Variants in KCNK1 observed in about 807,000 individuals in gnomAD.
The protein encoded by KCNK1 is potassium two pore domain channel subfamily K member 1.
In KCNK1, 10 loss-of-function variants were observed where a neutral mutation model predicts 22.2. That is an observed-to-expected ratio of 0.45 (90% CI 0.28 to 0.76). The LOEUF (loss-of-function observed/expected upper bound fraction) is 0.76. Ranked by LOEUF, KCNK1 falls within the 30% of genes least tolerant of loss-of-function variation. The pLI, the probability that KCNK1 is intolerant of heterozygous loss-of-function variation, is 0.14. For synonymous variants in KCNK1, 200 were observed against 186.4 expected, an observed-to-expected ratio of 1.07 and a Z score of -0.60; for missense variants, 378 against 421.0, an observed-to-expected ratio of 0.90 and a Z score of 0.89.
intron 1 of KCNK1, among the ~76,000 whole-genome samples, chr1:233,646,045 A>T (rs1258764868): frequency 6.6e-6 from 1 of 152,152 alleles, no homozygotes; most frequent in Non-Finnish European, 1.5e-5. Context: ...GTGAGAGGTG[A>T]TGGTGGGGAT....
At chr1:233,647,362 T>C (rs1201033839) in intron 1 of KCNK1, among the ~76,000 whole-genome samples, 1 of 152,270 alleles carries the variant, frequency 6.6e-6, no homozygotes. Flanking sequence ...TAGTATGTAG[T>C]TGGGGCTCAG....
intron 1 of KCNK1, among the ~76,000 whole-genome samples, chr1:233,638,325 A>T (rs1204145860): frequency 6.6e-6 from 1 of 152,148 alleles, no homozygotes; most frequent in African/African-American, 2.4e-5. Context: ...TTAATTTTTT[A>T]AAATTTTAAA....
intron 1 of KCNK1, chr1:233,650,014 A>G (rs200836449): frequency 4.7e-5 from 25 of 533,320 alleles, no homozygotes; most frequent in Non-Finnish European, 8.1e-5. Context: ...CAAGTGCCTA[A>G]AGGAGAGAGC....
intron 1 of KCNK1, among the ~76,000 whole-genome samples, chr1:233,642,354 C>T (rs115335228): frequency 1.1e-3 from 160 of 152,330 alleles, no homozygotes; most frequent in Non-Finnish European, 1.8e-3. Flanking sequence ...CTGCAACCTT[C>T]CCGGGAGGTG....
intron 1 of KCNK1, among the ~76,000 whole-genome samples, chr1:233,643,687 CT>C (rs11323437): frequency 0.37 from 56,857 of 151,868 alleles, 11,931 homozygotes; most frequent in African/African-American, 0.57. Flanking sequence ...TTCACTTCTT[CT>C]TACTTAGTGC....
At chr1:233,651,027 CT>C (rs975882484) in intron 1 of KCNK1, among the ~76,000 whole-genome samples, 25 of 152,296 alleles carry the variant, frequency 1.6e-4, no homozygotes, top group African/African-American at 5.8e-4. Flanking sequence ...TTTAGGACTA[CT>C]TTGCTTTCTA....
At chr1:233,650,527 A>G (rs12141976) in intron 1 of KCNK1, among the ~76,000 whole-genome samples, 49,534 of 152,038 alleles carry the variant, frequency 0.33, 9,183 homozygotes, top group Admixed American at 0.43. Flanking sequence ...AGATAATTCA[A>G]TTAGTTTTTT....
chr1:233,632,049 C>G (rs991138732), intron 1 of KCNK1, among the ~76,000 whole-genome samples: 9 of 152,198 alleles, frequency 5.9e-5, no homozygotes, highest in Non-Finnish European at 8.8e-5. Context: ...ATCCTGTTCC[C>G]TCTTCCACGT....
intron 1 of KCNK1, chr1:233,655,844 T>C (rs1658281818): frequency 6.6e-6 from 1 of 152,190 alleles, no homozygotes. Context: ...GTGGTATTCT[T>C]TTGTAGCAGC....
At chr1:233,653,343 G>A (rs1335938003) in intron 1 of KCNK1, among the ~76,000 whole-genome samples, 2 of 152,188 alleles carry the variant, frequency 1.3e-5, no homozygotes, top group Non-Finnish European at 2.9e-5. Context: ...CCCCTGGTCT[G>A]TTGGCCTCAC....
intron 1 of KCNK1, among the ~76,000 whole-genome samples, chr1:233,651,500 T>C (rs1050582080): frequency 2.0e-5 from 3 of 152,236 alleles, no homozygotes; most frequent in African/African-American, 7.2e-5. Flanking sequence ...CTCTGTTAGC[T>C]TCTTTATCTT....
At position 233,614,150 on chromosome 1, in the gene KCNK1, C is replaced by CTTGGCTTTGGCT. The variant is rs140745317; in HGVS notation, c.-17_-16insTTTGGCTTTGGC. ...GCTCCGGCCGGTCTGCGGCGTTGGC[C>CTTGGCTTTGGCT]TTGGCGGCGGCGGTGGAGAAGATGC... On this transcript the variant is annotated 5_prime_UTR_variant, in exon 1 of 3. Coordinates refer to ENST00000366621, the MANE Select transcript of KCNK1 (RefSeq NM_002245.4). The CTTGGCTTTGGCT allele has an allele frequency of 0.47, 724,836 of 1,535,136 alleles. 180,827 individuals are homozygous for CTTGGCTTTGGCT. The highest frequency in any genetic ancestry group is 0.85 in the African/African-American group (62,098 of 72,658).
chr1:233,657,662 GAAAGA>G (rs1196195117), intron 1 of KCNK1, among the ~76,000 whole-genome samples: 1 of 148,590 alleles, frequency 6.7e-6, no homozygotes, highest in Non-Finnish European at 1.5e-5. Context: ...AAGGAAAGAC[GAAAGA>G]AAAGAAAGAA....
chr1:233,651,152 C>G (rs1220782357), intron 1 of KCNK1, among the ~76,000 whole-genome samples: 1 of 152,144 alleles, frequency 6.6e-6, no homozygotes, highest in African/African-American at 2.4e-5. Flanking sequence ...AGCGTTTGCC[C>G]CCATTACCTC....
intron 1 of KCNK1, among the ~76,000 whole-genome samples, chr1:233,643,866 C>A (rs185549301): frequency 8.3e-4 from 127 of 152,222 alleles, no homozygotes; most frequent in Admixed American, 1.8e-3. Context: ...GAAACAAAAA[C>A]AAAAATGGCA....
chr1:233,617,373 T>G (rs1428985579), intron 1 of KCNK1, among the ~76,000 whole-genome samples: 1 of 152,236 alleles, frequency 6.6e-6, no homozygotes. Flanking sequence ...CTGAATTATT[T>G]CCAGCAAACA....
intron 1 of KCNK1, among the ~76,000 whole-genome samples, chr1:233,651,880 T>C (rs574400770): frequency 1.5e-4 from 23 of 152,362 alleles, no homozygotes; most frequent in African/African-American, 5.5e-4. Context: ...ACAAGACGTT[T>C]ATGTGGATTA....
At chr1:233,615,552 T>A (rs1271630186) in intron 1 of KCNK1, among the ~76,000 whole-genome samples, 1 of 152,160 alleles carries the variant, frequency 6.6e-6, no homozygotes, top group Non-Finnish European at 1.5e-5. Context: ...ATCTATGAGA[T>A]CCAATCTTTG....
At chr1:233,668,887 G>A (rs1250668940) in intron 2 of KCNK1, among the ~76,000 whole-genome samples, 1 of 152,206 alleles carries the variant, frequency 6.6e-6, no homozygotes, top group Non-Finnish European at 1.5e-5. Context: ...TTACAGGCGT[G>A]AGCCACCCCA....
Sources: allele counts gnomAD v4.1 joint callset (sites outside exome capture counted in the v4.1 genomes callset), GRCh38; gene constraint gnomAD v4.1.1; transcripts MANE v1.5; gene names NCBI Gene and HGNC (gene_info 2026-07-23, HGNC 2026-07-21).